The following CTSB variants were observed in gnomAD, a reference collection of about 807,000 sequenced individuals.
CTSB encodes the protein cathepsin B.
A neutral mutation model predicts 44.3 loss-of-function variants in CTSB; 57 were observed. The ratio of observed to expected loss-of-function variants is 1.29; its 90% CI spans 1.04 to 1.60. CTSB has a LOEUF of 1.60. CTSB is among the 40% of genes most tolerant of loss of function. The pLI is 0.00. For missense variants in CTSB, 768 were observed against 443.0 expected (o/e 1.73, Z -6.59); for synonymous variants, 320 against 168.0 (o/e 1.91, Z -7.00).
intron 8 of CTSB, 84 bp from the exon 9 acceptor site, chr8:11,845,873 T>C (rs1447189168): frequency 1.4e-6 from 2 of 1,450,990 alleles, no homozygotes; most frequent in Non-Finnish European, 9.1e-7. Flanking sequence ...CTGGTCATGC[T>C]CCGGGAAGGA....
intron 5 of CTSB, chr8:11,848,471 A>T (rs768119661): frequency 1.5e-4 from 69 of 448,866 alleles, no homozygotes; most frequent in Non-Finnish European, 2.0e-4. Context: ...AGCAGACGCT[A>T]AACTTCCCTA....
chr8:11,867,721 T>C (rs1416099296), intron 1 of CTSB: 1 of 152,106 alleles, frequency 6.6e-6, no homozygotes, highest in Non-Finnish European at 1.5e-5. Flanking sequence ...AGGGCCGGGG[T>C]CCGGCGCACA....
chr8:11,857,579 G>A (rs996845657), intron 1 of CTSB, among the ~76,000 whole-genome samples: 4 of 152,170 alleles, frequency 2.6e-5, no homozygotes, highest in Non-Finnish European at 5.9e-5. Context: ...TTACTGTGGT[G>A]GCTGAGAACA....
intron 1 of CTSB, among the ~76,000 whole-genome samples, chr8:11,862,091 C>T (rs1412338027): frequency 6.6e-6 from 1 of 151,998 alleles, no homozygotes; most frequent in East Asian, 1.9e-4. Flanking sequence ...CCTGTAGTCC[C>T]AGCTACTCGG....
intron 1 of CTSB, among the ~76,000 whole-genome samples, chr8:11,860,362 C>A (rs1816234593): frequency 6.6e-6 from 1 of 152,152 alleles, no homozygotes; most frequent in Admixed American, 6.6e-5. Context: ...GTGGCACACA[C>A]CTGTAATCCC....
chr8:11,850,419 CAAAAAAA>C (rs61067792), intron 4 of CTSB, among the ~76,000 whole-genome samples: 2 of 53,778 alleles, frequency 3.7e-5, no homozygotes, highest in African/African-American at 7.8e-5. Context: ...ACTCCATCTC[CAAAAAAA>C]AAAAAAAAAA....
Position 11,858,585 on chromosome 8 carries a change from C to T in CTSB, c.-25-5106G>A, listed in dbSNP as rs186429803. Among the ~76,000 whole-genome samples the T allele has an allele frequency of 2.0e-3, 308 of 152,328 alleles. 2 individuals carry two copies. Among genetic ancestry groups the T allele is most frequent in the African/African-American group, 7.1e-3 (296 of 41,576 alleles). ...GATTATAGGTGTGAGCCACCATGCCCAGTAAAACAAGCTCTTAACTTCAAT... is the reference window on the plus strand; with the variant it reads ...GATTATAGGTGTGAGCCACCATGCCTAGTAAAACAAGCTCTTAACTTCAAT... On this transcript the variant is annotated intron_variant, in intron 1 of 9. Coordinates refer to ENST00000353047, the MANE Select transcript of CTSB (RefSeq NM_001908.5).
Position 11,852,601 on chromosome 8 carries a change from G to C in CTSB, c.212+9C>G, listed in dbSNP as rs763730261. ...CACATTACAGCGGTGCAGAGGAGCA[G>C]GCACTCACCTCTGGGGTGGCTTGGG... On this transcript the variant is annotated intron_variant, in intron 3 of 9. Transcript: ENST00000353047. The C allele has an allele frequency of 1.1e-5, 17 of 1,607,178 alleles. No homozygotes were observed. The South Asian group carries it at 1.8e-4, about 17-fold the overall frequency.
At chr8:11,867,257 G>A (rs905931824) in intron 1 of CTSB, 6 of 152,136 alleles carry the variant, frequency 3.9e-5, no homozygotes, top group Admixed American at 6.6e-5. Context: ...TACTAACCGA[G>A]GGGGAGGTGG....
intron 8 of CTSB, chr8:11,846,350 T>G (rs532600279): frequency 2.6e-5 from 4 of 152,392 alleles, no homozygotes; most frequent in East Asian, 1.9e-4. Context: ...GGGCGAGGAC[T>G]ATGCTAAGAA....
At chr8:11,861,002 C>A (rs571289434) in intron 1 of CTSB, among the ~76,000 whole-genome samples, 1 of 152,226 alleles carries the variant, frequency 6.6e-6, no homozygotes, top group Admixed American at 6.5e-5. Flanking sequence ...CTGTTGTGAC[C>A]CAGAGACCTT....
intron 1 of CTSB, chr8:11,865,560 C>T (rs1366595386): frequency 6.6e-6 from 1 of 150,848 alleles, no homozygotes; most frequent in Admixed American, 6.6e-5. Flanking sequence ...TGCACTCCAG[C>T]CTGGGTGAGA....
In CTSB at chr8:11,842,919, G is replaced by A. The variant is rs1282831821; in HGVS notation, c.*2206C>T. On this transcript the variant is annotated 3_prime_UTR_variant, in exon 10 of 10. Transcript: ENST00000353047. Reference sequence around the variant, plus strand: ...CCCAAAGTGCTGGGATTACAGGCTTGAGCCACTGCGCCCGGCCTTTTTTTT... The same window carrying A: ...CCCAAAGTGCTGGGATTACAGGCTTAAGCCACTGCGCCCGGCCTTTTTTTT... 1 of 143,064 alleles carries A rather than the reference G, an allele frequency of 7.0e-6. No individual in the cohort carries two copies. The highest frequency in any genetic ancestry group is 2.6e-5 in the African/African-American group (1 of 38,304). 8.9% of individuals were successfully genotyped at this position (143,064 alleles called of 1,614,324 possible).
At chr8:11,845,539 C>G (rs1692811) in intron 9 of CTSB, 122 bp downstream of exon 9, 289,787 of 1,242,488 alleles carry the variant, frequency 0.23, 36,827 homozygotes, top group Non-Finnish European at 0.26. Flanking sequence ...AGGAGGAGCT[C>G]ACAGCCTGGC....
chr8:11,848,408 A>G, intron 5 of CTSB: 1 of 617,016 alleles, frequency 1.6e-6, no homozygotes, highest in Non-Finnish European at 3.0e-6. Context: ...GTTCATGTCC[A>G]TACCAGACCA....
intron 2 of CTSB, 49 bp from the exon 3 acceptor site, chr8:11,852,744 G>A (rs764349544): frequency 5.2e-6 from 8 of 1,548,554 alleles, no homozygotes; most frequent in African/African-American, 1.4e-5. Flanking sequence ...GATGGCGGTG[G>A]ATGGGCACGC....
intron 1 of CTSB, among the ~76,000 whole-genome samples, chr8:11,858,478 T>C (rs1221682286): frequency 1.3e-5 from 2 of 151,974 alleles, no homozygotes; most frequent in Non-Finnish European, 2.9e-5. Context: ...TTTGTAGAGA[T>C]GGGGTTTTGC....
chr8:11,856,380 G>A (rs888884275), intron 1 of CTSB, among the ~76,000 whole-genome samples: 4 of 152,084 alleles, frequency 2.6e-5, no homozygotes, highest in Admixed American at 2.0e-4. Flanking sequence ...GCCTGTAGCC[G>A]AGGCGGTTGG....
At chr8:11,845,854 C>G (rs1292815909) in intron 8 of CTSB, 65 bp from the exon 9 acceptor site, 2 of 1,504,690 alleles carry the variant, frequency 1.3e-6, no homozygotes, top group South Asian at 1.3e-5. Context: ...CAGCACCCCC[C>G]ACACTCAGCT....
Sources: allele counts gnomAD v4.1 joint callset (sites outside exome capture counted in the v4.1 genomes callset), GRCh38; gene constraint gnomAD v4.1.1; transcripts MANE v1.5; gene names NCBI Gene and HGNC (gene_info 2026-07-23, HGNC 2026-07-21).